Variants in NDST4 observed in about 807,000 individuals in gnomAD.
The protein encoded by NDST4 is N-deacetylase and N-sulfotransferase 4.
Under a neutral mutation model 100.8 loss-of-function variants are expected in NDST4, and 63 were observed. The observed-to-expected ratio is 0.62, with a 90% confidence interval of 0.51 to 0.77. The LOEUF (loss-of-function observed/expected upper bound fraction) is 0.77, where lower values mean the gene tolerates loss of function less well. NDST4 is among the 30% of genes least tolerant of loss of function. NDST4 has a pLI of 0.00. For synonymous variants in NDST4, 377 were observed against 361.8 expected, an observed-to-expected ratio of 1.04 and a Z score of -0.48; for missense variants, 943 against 1,018.4, an observed-to-expected ratio of 0.93 and a Z score of 1.01.
At chr4:114,954,862 C>T (rs1362942983) in intron 4 of NDST4, among the ~76,000 whole-genome samples, 1 of 152,128 alleles carries the variant, frequency 6.6e-6, no homozygotes, top group Non-Finnish European at 1.5e-5. Context: ...TGAGTGAATT[C>T]TCTGCAAATC....
chr4:114,942,078 T>C (rs780410953), intron 4 of NDST4, among the ~76,000 whole-genome samples: 3 of 152,236 alleles, frequency 2.0e-5, no homozygotes, highest in Non-Finnish European at 2.9e-5. Flanking sequence ...TACTATCATG[T>C]AATGTATGTG....
chr4:114,953,493 G>A (rs979370096), intron 4 of NDST4, among the ~76,000 whole-genome samples: 13 of 152,090 alleles, frequency 8.5e-5, no homozygotes, highest in Non-Finnish European at 1.6e-4. Context: ...ACATAGTTTA[G>A]GAGCAAATAG....
chr4:115,090,108 T>C (rs1729486665), intron 1 of NDST4, among the ~76,000 whole-genome samples: 1 of 151,824 alleles, frequency 6.6e-6, no homozygotes, highest in Non-Finnish European at 1.5e-5. Context: ...CATTTCTACC[T>C]CAATCATTAA....
intron 3 of NDST4, among the ~76,000 whole-genome samples, chr4:114,973,012 CTT>C (rs147047064): frequency 1.3e-5 from 2 of 152,060 alleles, no homozygotes; most frequent in African/African-American, 4.8e-5. Flanking sequence ...CAGCTTTTCT[CTT>C]GTTTTATGCT....
intron 6 of NDST4, among the ~76,000 whole-genome samples, chr4:114,933,432 C>CTTTTTTTTTTTTTTT (rs367931653): frequency 3.4e-5 from 3 of 89,244 alleles, no homozygotes; most frequent in Non-Finnish European, 6.3e-5. Context: ...TTTTCTTTTC[C>CTTTTTTTTTTTTTTT]TTTTTTTTTT....
At chr4:114,837,656 C>A (rs1157691121) in intron 11 of NDST4, among the ~76,000 whole-genome samples, 1 of 152,164 alleles carries the variant, frequency 6.6e-6, no homozygotes, top group African/African-American at 2.4e-5. Flanking sequence ...CCCTTCCTTA[C>A]ACTTTATACA....
intron 2 of NDST4, among the ~76,000 whole-genome samples, chr4:115,072,072 A>T (rs950082750): frequency 1.3e-5 from 2 of 152,078 alleles, no homozygotes; most frequent in African/African-American, 2.4e-5. Context: ...AAAAATACAA[A>T]TATTCAGGCA....
At chr4:114,869,800 A>G (rs773293517) in intron 7 of NDST4, among the ~76,000 whole-genome samples, 8 of 152,196 alleles carry the variant, frequency 5.3e-5, no homozygotes, top group Non-Finnish European at 1.2e-4. Context: ...TGTTCTTTGC[A>G]TGCCCTAGAA....
At chr4:114,829,961 G>T in intron 12 of NDST4, 69 bp from the exon 13 acceptor site, 1 of 1,044,568 alleles carries the variant, frequency 9.6e-7, no homozygotes, top group Non-Finnish European at 1.4e-6. Context: ...CTCACCAATT[G>T]AATAAAGGAA....
intron 2 of NDST4, among the ~76,000 whole-genome samples, chr4:115,005,127 A>G (rs1295044848): frequency 6.6e-6 from 1 of 152,208 alleles, no homozygotes; most frequent in Non-Finnish European, 1.5e-5. Context: ...AAGAAGAATA[A>G]TTCATCACTC....
chr4:114,901,340 A>G (rs751427632), intron 6 of NDST4, among the ~76,000 whole-genome samples: 2 of 152,004 alleles, frequency 1.3e-5, no homozygotes, highest in Non-Finnish European at 2.9e-5. Flanking sequence ...AAAAATTGTT[A>G]TGTCTTCTTA....
chr4:114,849,216 A>G (rs1272432629), intron 8 of NDST4, among the ~76,000 whole-genome samples: 1 of 152,236 alleles, frequency 6.6e-6, no homozygotes, highest in Non-Finnish European at 1.5e-5. Context: ...TATTTCCCTC[A>G]GAGCCAGGCC....
intron 4 of NDST4, among the ~76,000 whole-genome samples, chr4:114,959,772 C>T (rs920983576): frequency 1.3e-5 from 2 of 151,994 alleles, no homozygotes; most frequent in Non-Finnish European, 2.9e-5. Context: ...AAATGAATGA[C>T]CAGAGCCTCA....
intron 2 of NDST4, among the ~76,000 whole-genome samples, chr4:115,040,726 T>C (rs1327506021): frequency 2.0e-5 from 3 of 151,754 alleles, no homozygotes; most frequent in African/African-American, 7.3e-5. Context: ...GGCCAGAAAA[T>C]TAACAAGACA....
At chr4:115,081,061 T>C (rs1457243465) in intron 1 of NDST4, among the ~76,000 whole-genome samples, 1 of 151,640 alleles carries the variant, frequency 6.6e-6, no homozygotes, top group Non-Finnish European at 1.5e-5. Flanking sequence ...TTTGCATATT[T>C]AGACTATCTC....
Position 115,078,492 on chromosome 4 carries a change from C to T in NDST4, c.-246-1210G>A, listed in dbSNP as rs958342803. Among the ~76,000 whole-genome samples the T allele has an allele frequency of 4.6e-5, 7 of 152,160 alleles. No individual in the cohort carries two copies. In the East Asian group the frequency reaches 9.7e-4, roughly 21 times the overall value. On this transcript the variant is annotated intron_variant, in intron 1 of 13. Transcript: ENST00000264363. ...AAGGTCATTTTTTGTTATGCCTTAG[C>T]GAACAACTATGCTACATTGTGCCCC... is the stretch of plus-strand genomic sequence containing the variant.
intron 2 of NDST4, among the ~76,000 whole-genome samples, chr4:115,073,407 T>A (rs1647506117): frequency 6.6e-6 from 1 of 151,996 alleles, no homozygotes; most frequent in African/African-American, 2.4e-5. Context: ...AGATATAGAA[T>A]CAGCCTAAGC....
chr4:114,834,540 T>C (rs1043719368), intron 11 of NDST4, among the ~76,000 whole-genome samples: 3 of 141,230 alleles, frequency 2.1e-5, no homozygotes, highest in Non-Finnish European at 3.1e-5. Flanking sequence ...AAAAAAGGAA[T>C]ACTGGAAAAA....
chr4:115,013,092 A>T (rs1727590958), intron 2 of NDST4, among the ~76,000 whole-genome samples: 1 of 151,250 alleles, frequency 6.6e-6, no homozygotes, highest in Non-Finnish European at 1.5e-5. Flanking sequence ...GAAAGTGGGG[A>T]TGCTTAATAT....
Sources: gnomAD v4.1 joint callset for allele counts (sites outside exome capture counted in the v4.1 genomes callset) on GRCh38, gnomAD v4.1.1 for gene constraint, MANE v1.5 for transcripts, NCBI Gene and HGNC (gene_info 2026-07-23, HGNC 2026-07-21) for gene names.